FKTN: variants seen among roughly 807,000 people sequenced by gnomAD.
FKTN encodes the protein ribitol-5-phosphate transferase FKTN.
Under a neutral mutation model 58.6 loss-of-function variants are expected in FKTN, and 47 were observed. The observed-to-expected ratio is 0.80, with a 90% confidence interval of 0.63 to 1.02. The LOEUF is 1.02. Ranked by LOEUF, FKTN falls within the 50% of genes least tolerant of loss-of-function variation. The pLI, the probability that FKTN is intolerant of heterozygous loss-of-function variation, is 0.00. For missense variants in FKTN, 516 were observed against 537.3 expected, an observed-to-expected ratio of 0.96 and a Z score of 0.39; for synonymous variants, 178 against 191.9, an observed-to-expected ratio of 0.93 and a Z score of 0.60.
intron 1 of FKTN, among the ~76,000 whole-genome samples, chr9:105,573,205 A>G (rs1348685269): frequency 6.6e-6 from 1 of 151,560 alleles, no homozygotes; most frequent in Non-Finnish European, 1.5e-5. Flanking sequence ...ACTGCACTCC[A>G]TCCAGCCTGA....
intron 7 of FKTN, among the ~76,000 whole-genome samples, chr9:105,608,536 T>C (rs1320318371): frequency 6.6e-6 from 1 of 152,234 alleles, no homozygotes; most frequent in Non-Finnish European, 1.5e-5. Flanking sequence ...AGTTCAGCTC[T>C]AAGAGATGAC....
In FKTN at chr9:105,637,911, T is replaced by A. The variant is rs1466509213; in HGVS notation, c.*2647T>A. 24 of 985,282 alleles carry A rather than the reference T, an allele frequency of 2.4e-5. No homozygotes were observed. The highest frequency in any genetic ancestry group is 2.9e-5 in the Non-Finnish European group (24 of 829,922). 61.0% of individuals were successfully genotyped at this position (985,282 alleles called of 1,614,324 possible). A position where few individuals can be genotyped will look rare whatever the true frequency, so the allele number is the denominator to read the frequency against. ...AAAATTGAGCATCCCTAAGAGTAGC[T>A]GCTTGGTGGGACAGCTGATTTCTTT... On this transcript the variant is annotated 3_prime_UTR_variant, in exon 11 of 11. Coordinates refer to ENST00000357998, the MANE Select transcript of FKTN (RefSeq NM_001079802.2).
At chr9:105,562,233 C>A (rs1016657954) in intron 1 of FKTN, among the ~76,000 whole-genome samples, 5 of 152,240 alleles carry the variant, frequency 3.3e-5, no homozygotes, top group African/African-American at 1.2e-4. Context: ...GGAGTTATTA[C>A]TCAAATCAGT....
intron 10 of FKTN, among the ~76,000 whole-genome samples, chr9:105,626,125 A>G (rs1047958377): frequency 2.0e-5 from 3 of 152,196 alleles, no homozygotes; most frequent in Non-Finnish European, 2.9e-5. Context: ...AAGTCCACTA[A>G]CCCAAATAGT....
chr9:105,560,211 T>G (rs1325567922), intron 1 of FKTN, among the ~76,000 whole-genome samples: 1 of 152,228 alleles, frequency 6.6e-6, no homozygotes, highest in African/African-American at 2.4e-5. Context: ...AAGGTAGACA[T>G]TGTTCTTATC....
In FKTN at chr9:105,575,154, T is replaced by G. The variant is rs752577408; in HGVS notation, c.105+17T>G. 8 of 1,244,356 alleles carry G rather than the reference T, an allele frequency of 6.4e-6. No homozygotes were observed. In the African/African-American group the frequency reaches 1.0e-4, roughly 16 times the overall value. 77.1% of individuals were successfully genotyped at this position (1,244,356 alleles called of 1,614,324 possible). On this transcript the variant is annotated intron_variant, in intron 3 of 10. Coordinates refer to ENST00000357998, the MANE Select transcript of FKTN (RefSeq NM_001079802.2). Reference sequence around the variant, plus strand: ...TCAACAAAGGTAATTTTATTCCTTCTTTCTTATCATTCCTCCTTTCTTATC... The same window carrying G: ...TCAACAAAGGTAATTTTATTCCTTCGTTCTTATCATTCCTCCTTTCTTATC...
intron 10 of FKTN, among the ~76,000 whole-genome samples, chr9:105,634,826 G>GT (rs1277224614): frequency 1.3e-5 from 2 of 152,154 alleles, no homozygotes; most frequent in Non-Finnish European, 2.9e-5. Flanking sequence ...CTGAGTCTTA[G>GT]TGATGGGGTC....
rs907526491 is a variant in FKTN, at chr9:105,563,615, G to A, written c.-181+5450G>A. ...AGCGAGGCTGGGGGGGGGGGCACCC[G>A]CCATTGCTGAGGCTTGAGTAGATAA... On this transcript the variant is annotated intron_variant, in intron 1 of 10. Transcript: ENST00000357998. Among the ~76,000 whole-genome samples, 75 of 150,454 alleles carry A rather than the reference G, an allele frequency of 5.0e-4. 1 individual carries two copies. Among genetic ancestry groups the A allele is most frequent in the Admixed American group, 2.1e-3 (32 of 15,144 alleles).
chr9:105,626,117 G>A (rs930653066), intron 10 of FKTN, among the ~76,000 whole-genome samples: 2 of 152,102 alleles, frequency 1.3e-5, no homozygotes, highest in Non-Finnish European at 2.9e-5. Flanking sequence ...TATTTATTAA[G>A]TCCACTAACC....
chr9:105,577,093 A>G (rs1165741629), intron 3 of FKTN, among the ~76,000 whole-genome samples: 7 of 139,326 alleles, frequency 5.0e-5, no homozygotes, highest in East Asian at 2.0e-4. Context: ...AGTAGGTTGC[A>G]AAAATTTTCT....
At chr9:105,625,429 G>A (rs1832630352) in intron 10 of FKTN, among the ~76,000 whole-genome samples, 1 of 152,200 alleles carries the variant, frequency 6.6e-6, no homozygotes, top group Non-Finnish European at 1.5e-5. Context: ...GTTTGGTGGG[G>A]TTTTTGACTG....
intron 7 of FKTN, among the ~76,000 whole-genome samples, chr9:105,612,420 T>C (rs1830096794): frequency 6.6e-6 from 1 of 152,136 alleles, no homozygotes; most frequent in Non-Finnish European, 1.5e-5. Flanking sequence ...GTTTTTGCTT[T>C]TGTTGCAATT....
chr9:105,636,364 CA>C lies in FKTN; in HGVS notation c.*1104del. 2.0e-6 allele frequency: 2 copies of C among 984,944 alleles called. No homozygotes were observed. Among genetic ancestry groups the C allele is most frequent in the Non-Finnish European group, 2.4e-6 (2 of 829,456 alleles). 61.0% of individuals were successfully genotyped at this position (984,944 alleles called of 1,614,324 possible). A position where few individuals can be genotyped will look rare whatever the true frequency, so the allele number is the denominator to read the frequency against. On this transcript the variant is annotated 3_prime_UTR_variant, in exon 11 of 11. Transcript: ENST00000357998. ...CTCCTCTTCTAATATATCAGATCTCCAAAATGGAAGCTAAATGGTGGACTTG... is the reference window on the plus strand; with the variant it reads ...CTCCTCTTCTAATATATCAGATCTCCAAATGGAAGCTAAATGGTGGACTTG...
intron 1 of FKTN, among the ~76,000 whole-genome samples, chr9:105,565,177 C>T (rs934550020): frequency 1.2e-4 from 19 of 152,140 alleles, no homozygotes; most frequent in African/African-American, 1.7e-4. Context: ...ACAGCCGATA[C>T]CAGCCTCTGC....
chr9:105,583,522 ACTT>A (rs1250952277), intron 3 of FKTN, among the ~76,000 whole-genome samples: 2 of 151,976 alleles, frequency 1.3e-5, no homozygotes, highest in South Asian at 2.1e-4. Flanking sequence ...TTGTATTCTT[ACTT>A]CTTCTTATTT....
At chr9:105,577,827 T>C (rs1376403303) in intron 3 of FKTN, among the ~76,000 whole-genome samples, 1 of 149,924 alleles carries the variant, frequency 6.7e-6, no homozygotes, top group Non-Finnish European at 1.5e-5. Context: ...CATTTGTTTG[T>C]ATCCTCTTTT....
In FKTN at chr9:105,639,601, T is replaced by C. The variant is rs1227265926; in HGVS notation, c.*4337T>C. 1 of 979,334 alleles carries C rather than the reference T, an allele frequency of 1.0e-6. No homozygotes were observed. Among genetic ancestry groups the C allele is most frequent in the Non-Finnish European group, 1.2e-6 (1 of 824,314 alleles). 60.7% of individuals were successfully genotyped at this position (979,334 alleles called of 1,614,324 possible). A position where few individuals can be genotyped will look rare whatever the true frequency, so the allele number is the denominator to read the frequency against. On this transcript the variant is annotated 3_prime_UTR_variant, in exon 11 of 11. Transcript: ENST00000357998. ...ATTATAGAAACCATGGGTCAGAACA[T>C]ATTCCTTTACTCAAAAGATTGCATG...
chr9:105,638,956 A>G lies in FKTN; in HGVS notation c.*3692A>G, dbSNP rs1834244248. Reference sequence around the variant, plus strand: ...TACCAGAGCTAAATCTGGAAAACACATTTGGAATGAGCTTCCACACTTCAG... The same window carrying G: ...TACCAGAGCTAAATCTGGAAAACACGTTTGGAATGAGCTTCCACACTTCAG... On this transcript the variant is annotated 3_prime_UTR_variant, in exon 11 of 11. Coordinates refer to ENST00000357998, the MANE Select transcript of FKTN (RefSeq NM_001079802.2). The G allele has an allele frequency of 7.1e-6, 7 of 985,296 alleles. No individual in the cohort carries two copies. The highest frequency in any genetic ancestry group is 4.7e-5 in the South Asian group (1 of 21,284). 61.0% of individuals were successfully genotyped at this position (985,296 alleles called of 1,614,324 possible). A position where few individuals can be genotyped will look rare whatever the true frequency, so the allele number is the denominator to read the frequency against.
chr9:105,604,985 A>C (rs919629209), intron 6 of FKTN, among the ~76,000 whole-genome samples: 1 of 152,100 alleles, frequency 6.6e-6, no homozygotes, highest in Admixed American at 6.5e-5. Context: ...TAAAGGAATA[A>C]ATAATTTTTG....
Sources: allele counts gnomAD v4.1 joint callset (sites outside exome capture counted in the v4.1 genomes callset), GRCh38; gene constraint gnomAD v4.1.1; transcripts MANE v1.5; gene names NCBI Gene and HGNC (gene_info 2026-07-23, HGNC 2026-07-21).